ACTR6: variants seen among roughly 807,000 people sequenced by gnomAD.
ACTR6 encodes actin-related protein 6.
ACTR6 carries 50 observed loss-of-function variants against 52.5 expected under a neutral mutation model. That is an observed-to-expected ratio of 0.95 (90% CI 0.76 to 1.20). The LOEUF is 1.20. Among genes scored for constraint, ACTR6 ranks in the 50% most tolerant of loss-of-function variants. The probability of loss-of-function intolerance (pLI) is 0.00; values close to 1 mark genes in which losing one functional copy is unlikely to be tolerated. For missense variants in ACTR6, 344 were observed against 472.4 expected, an observed-to-expected ratio of 0.73 and a Z score of 2.52; for synonymous variants, 135 against 147.2, an observed-to-expected ratio of 0.92 and a Z score of 0.60.
At chr12:100,214,234 T>C (rs1275737622) in intron 8 of ACTR6, among the ~76,000 whole-genome samples, 1 of 152,182 alleles carries the variant, frequency 6.6e-6, no homozygotes, top group African/African-American at 2.4e-5. Context: ...AATGATAAAA[T>C]ACCAAATTAG....
intron 8 of ACTR6, among the ~76,000 whole-genome samples, chr12:100,217,522 T>C (rs577064521): frequency 7.2e-5 from 11 of 152,324 alleles, no homozygotes; most frequent in Admixed American, 7.2e-4. Context: ...ATTATTTTAA[T>C]GATTTAGAAT....
Position 100,223,985 on chromosome 12 carries a change from A to G in ACTR6, c.*70A>G, listed in dbSNP as rs2096130326. On this transcript the variant is annotated 3_prime_UTR_variant, in exon 11 of 11. Coordinates refer to ENST00000188312, the MANE Select transcript of ACTR6 (RefSeq NM_022496.5). ...AAGTTCCTTTTAAAAGAGGTTAAGG[A>G]ACTGTGTTACCTTTTGTCCTAAGAA... is the stretch of plus-strand genomic sequence containing the variant. 1.3e-6 allele frequency: 2 copies of G among 1,514,894 alleles called. No homozygotes were observed. The allele number at this position is 1,514,894 out of a possible 1,614,324, so 93.8% of individuals were successfully genotyped here.
At chr12:100,202,686 GT>G (rs1183763392) in intron 1 of ACTR6, among the ~76,000 whole-genome samples, 7 of 152,040 alleles carry the variant, frequency 4.6e-5, no homozygotes, top group African/African-American at 1.7e-4. Flanking sequence ...GCGAAACCCT[GT>G]CTCTACTAAA....
At position 100,218,024 on chromosome 12, in the gene ACTR6, G is replaced by A. The variant is rs2096125200; in HGVS notation, c.751-391G>A. Among the ~76,000 whole-genome samples, 1 of 151,808 alleles carries A rather than the reference G, an allele frequency of 6.6e-6. No individual in the cohort carries two copies. The highest frequency in any genetic ancestry group is 2.4e-5 in the African/African-American group (1 of 41,322). On this transcript the variant is annotated intron_variant, in intron 8 of 10. Transcript: ENST00000188312. The surrounding 1 kb of genome is among the most constrained non-coding windows in gnomAD (Gnocchi z 4.2). ...TTTTAATTTTTGTTTTGTTTTTTAA[G>A]AGACGGGGGTCTCGCTATGTTTCCC...
intron 8 of ACTR6, among the ~76,000 whole-genome samples, chr12:100,213,166 C>T (rs762501232): frequency 1.2e-4 from 19 of 152,092 alleles, no homozygotes; most frequent in Non-Finnish European, 2.4e-4. Flanking sequence ...TCACAGCACT[C>T]ACTATAGCCT....
intron 4 of ACTR6, chr12:100,208,805 G>A (rs765714364): frequency 1.1e-5 from 5 of 454,926 alleles, no homozygotes; most frequent in South Asian, 6.2e-5. Flanking sequence ...AGAGTGTGGT[G>A]GCACAAACAT....
At chr12:100,206,652 T>C (rs1487696016) in intron 3 of ACTR6, among the ~76,000 whole-genome samples, 1 of 151,420 alleles carries the variant, frequency 6.6e-6, no homozygotes, top group African/African-American at 2.4e-5. Flanking sequence ...TTTGTCTTTG[T>C]CTTGTTCTGT....
At chr12:100,223,180 A>T (rs1188999236) in intron 10 of ACTR6, among the ~76,000 whole-genome samples, 2 of 150,968 alleles carry the variant, frequency 1.3e-5, no homozygotes, top group East Asian at 3.9e-4. Flanking sequence ...TCTACTAAAA[A>T]TACAAAAAAA....
chr12:100,201,060 G>T, intron 1 of ACTR6, 141 bp downstream of exon 1: 1 of 1,518,568 alleles, frequency 6.6e-7, no homozygotes. Context: ...GTTGGAGCTG[G>T]GTGGGTGATT....
At chr12:100,202,947 A>T (rs2096111103) in intron 1 of ACTR6, among the ~76,000 whole-genome samples, 1 of 152,062 alleles carries the variant, frequency 6.6e-6, no homozygotes, top group Non-Finnish European at 1.5e-5. Context: ...TTCGTGGAAG[A>T]CAATTTTAAC....
At chr12:100,204,696 G>A (rs1378077614) in intron 1 of ACTR6, among the ~76,000 whole-genome samples, 2 of 151,956 alleles carry the variant, frequency 1.3e-5, no homozygotes, top group East Asian at 3.9e-4. Flanking sequence ...ACAGGTTCTG[G>A]CTATGTTGTC....
At position 100,219,988 on chromosome 12, in the gene ACTR6, C is replaced by T. The variant is rs1176098960; in HGVS notation, c.923-20C>T. The stretch of plus-strand genomic sequence containing the variant: ...TTCTAATGCCTTTTTTCCTTTCCTT[C>T]TCCTTTTCTTCTTTTAAAGAAATGC... On this transcript the variant is annotated intron_variant, in intron 9 of 10. Transcript: ENST00000188312. 1 of 1,608,746 alleles carries T rather than the reference C, an allele frequency of 6.2e-7. No individual in the cohort carries two copies. Among genetic ancestry groups the T allele is most frequent in the Admixed American group, 1.7e-5 (1 of 58,834 alleles).
At position 100,220,015 on chromosome 12, in the gene ACTR6, G is replaced by A; in HGVS notation, c.930G>A (p.Gln310=). Residue 310 remains glutamine, a synonymous_variant, in exon 10 of 11, where the codon CAG becomes CAA. Transcript: ENST00000188312. Reference sequence around the variant, plus strand: ...CCTTTTCTTCTTTTAAAGAAATGCAGCCGCATTTTTTTAAGAACATTGTCT... The same window carrying A: ...CCTTTTCTTCTTTTAAAGAAATGCAACCGCATTTTTTTAAGAACATTGTCT... The part of the protein sequence containing the change: ...YSIQNLPEEM[Q]PHFFKNIVLT... 1 of 1,611,992 alleles carries A rather than the reference G, an allele frequency of 6.2e-7. No individual in the cohort carries two copies. The highest frequency in any genetic ancestry group is 8.5e-7 in the Non-Finnish European group (1 of 1,179,138).
At chr12:100,219,731 A>C (rs1234565365) in intron 9 of ACTR6, among the ~76,000 whole-genome samples, 1 of 152,134 alleles carries the variant, frequency 6.6e-6, no homozygotes, top group Non-Finnish European at 1.5e-5. Flanking sequence ...TATGGCTTAC[A>C]TGAGTGTATA....
In ACTR6 at chr12:100,218,740, C is replaced by T. The variant is rs913643140; in HGVS notation, c.922+154C>T. Among the ~76,000 whole-genome samples the T allele has an allele frequency of 6.6e-6, 1 of 151,764 alleles. No homozygotes were observed. The highest frequency in any genetic ancestry group is 6.6e-5 in the Admixed American group (1 of 15,242). ...GATCCCATAATGCATTTATATAATT[C>T]TTGATTCATCTTTGATTATAAGTTT... On this transcript the variant is annotated intron_variant, in intron 9 of 10. Transcript: ENST00000188312. This position sits in a 1 kb window ranked among gnomAD's most constrained non-coding sequence, Gnocchi z 4.2.
rs551101615 is a variant in ACTR6, at chr12:100,216,534, T to C, written c.751-1881T>C. Among the ~76,000 whole-genome samples the C allele has an allele frequency of 2.5e-3, 381 of 152,314 alleles. 1 individual carries two copies. The highest frequency in any genetic ancestry group is 8.7e-3 in the African/African-American group (361 of 41,564). On this transcript the variant is annotated intron_variant, in intron 8 of 10. Transcript: ENST00000188312. ...ACAAGGATGTCTAGTTCTGGCTCTC[T>C]CCCCTAGTTAGTCATTTAATCTAGA...
chr12:100,219,690 G>GT (rs200154776), intron 9 of ACTR6, among the ~76,000 whole-genome samples: 30 of 151,864 alleles, frequency 2.0e-4, no homozygotes, highest in African/African-American at 3.1e-4. Flanking sequence ...ATTACCAACT[G>GT]TTTTTTTTAC....
chr12:100,212,585 C>A, intron 8 of ACTR6, 57 bp downstream of exon 8: 1 of 1,336,402 alleles, frequency 7.5e-7, no homozygotes, highest in Non-Finnish European at 1.1e-6. Flanking sequence ...ATAATCCCAG[C>A]ACTTGGGGAG....
In ACTR6 at chr12:100,220,013, C is replaced by T. The variant is rs1375876784; in HGVS notation, c.928C>T (p.Gln310Ter). 1 of 1,611,616 alleles carries T rather than the reference C, an allele frequency of 6.2e-7. No homozygotes were observed. Among genetic ancestry groups the T allele is most frequent in the East Asian group, 2.2e-5 (1 of 44,854 alleles). ...CTCCTTTTCTTCTTTTAAAGAAATG[C>T]AGCCGCATTTTTTTAAGAACATTGT... ...YSIQNLPEEM[Q>*]PHFFKNIVLT... Residue 310 changes from glutamine (Q) to a stop codon, truncating the protein, a stop_gained, in exon 10 of 11, where the codon CAG becomes TAG. Coordinates refer to ENST00000188312, the MANE Select transcript of ACTR6 (RefSeq NM_022496.5). LOFTEE classifies it high-confidence loss of function.
Sources: gnomAD v4.1 joint callset for allele counts (sites outside exome capture counted in the v4.1 genomes callset) on GRCh38, gnomAD v4.1.1 for gene constraint, Gnocchi (gnomAD v3.1) non-coding constraint, MANE v1.5 for transcripts, NCBI Gene and HGNC (gene_info 2026-07-23, HGNC 2026-07-21) for gene names.